CLVS1: variants seen among roughly 807,000 people sequenced by gnomAD.
The protein encoded by CLVS1 is clavesin-1.
Under a neutral mutation model 33.1 loss-of-function variants are expected in CLVS1, and 10 were observed. The ratio of observed to expected loss-of-function variants is 0.30; its 90% CI spans 0.19 to 0.51. CLVS1 has a LOEUF of 0.51. Among genes scored for constraint, CLVS1 ranks in the 20% least tolerant of loss-of-function variants. The pLI is 0.97. For missense variants in CLVS1, 343 were observed against 433.4 expected, an observed-to-expected ratio of 0.79 and a Z score of 1.85; for synonymous variants, 163 against 166.1, an observed-to-expected ratio of 0.98 and a Z score of 0.14.
chr8:61,288,162 C>G, intron 1 of CLVS1, 24 bp downstream of exon 1: 1 of 456,284 alleles, frequency 2.2e-6, no homozygotes, highest in South Asian at 1.5e-5. Context: ...TTTTTCTCCC[C>G]TCTGTATTTG....
chr8:61,363,787 C>T lies in CLVS1; in HGVS notation c.456-12818C>T, dbSNP rs1488995480. On this transcript the variant is annotated intron_variant, in intron 2 of 5. Transcript: ENST00000325897. ...TGGAGCCTGTGTTCTGACCAGGGAA[C>T]AAAAGTAGGTCCAATAGAGCTCTCA... Among the ~76,000 whole-genome samples, 5 of 152,130 alleles carry T rather than the reference C, an allele frequency of 3.3e-5. No individual in the cohort carries two copies. In the South Asian group the frequency reaches 6.2e-4, roughly 19 times the overall value.
chr8:61,131,507 G>A (rs1367975), intron 1 of CLVS1, among the ~76,000 whole-genome samples: 38,377 of 151,970 alleles, frequency 0.25, 5,077 homozygotes, highest in Admixed American at 0.34. Flanking sequence ...GAGGAAGGAC[G>A]GGCCTTTGGC....
intron 5 of CLVS1, among the ~76,000 whole-genome samples, chr8:61,481,347 A>G (rs911687154): frequency 5.3e-5 from 8 of 152,166 alleles, no homozygotes; most frequent in East Asian, 1.9e-4. Context: ...TACTAGGTTC[A>G]TCTCACTGGG....
intron 1 of CLVS1, among the ~76,000 whole-genome samples, chr8:61,108,188 A>C (rs1341138073): frequency 6.7e-6 from 1 of 149,220 alleles, no homozygotes; most frequent in Non-Finnish European, 1.5e-5. Flanking sequence ...ACTGCACTGC[A>C]GCCTGGGTGA....
At chr8:61,270,844 T>G (rs1445031718) in intron 2 of CLVS1, among the ~76,000 whole-genome samples, 2 of 152,186 alleles carry the variant, frequency 1.3e-5, no homozygotes, top group Admixed American at 6.5e-5. Flanking sequence ...TGTATTTCTG[T>G]GGGATCGGTG....
intron 2 of CLVS1, among the ~76,000 whole-genome samples, chr8:61,211,832 G>A (rs910322651): frequency 1.3e-5 from 2 of 152,162 alleles, no homozygotes; most frequent in African/African-American, 4.8e-5. Flanking sequence ...GAAGCAGAAA[G>A]GTCAAAGTCA....
chr8:61,492,713 A>T (rs1487415527), intron 5 of CLVS1, among the ~76,000 whole-genome samples: 1 of 152,146 alleles, frequency 6.6e-6, no homozygotes, highest in Non-Finnish European at 1.5e-5. Context: ...GTTTTCTTAT[A>T]TTTCCAGTTC....
chr8:61,183,686 G>A (rs558041896), intron 2 of CLVS1, among the ~76,000 whole-genome samples: 2 of 151,992 alleles, frequency 1.3e-5, no homozygotes, highest in Non-Finnish European at 2.9e-5. Flanking sequence ...TCAGAAATAA[G>A]GATGTTTTCT....
rs1462908906 is a variant in CLVS1, at chr8:61,357,489, C to CTTTTTT, written c.456-19112_456-19111insTTTTTT. On this transcript the variant is annotated intron_variant, in intron 2 of 5. Coordinates refer to ENST00000325897, the MANE Select transcript of CLVS1 (RefSeq NM_173519.3). Reference sequence around the variant, plus strand: ...TTTTCCTTCTTTTTCTTTCCTTTTTCTTTTCTTTTTTTTTTTTTTTTTTTT... The same window carrying CTTTTTT: ...TTTTCCTTCTTTTTCTTTCCTTTTTCTTTTTTTTTTCTTTTTTTTTTTTTTTTTTTT... Among the ~76,000 whole-genome samples, 25 of 30,254 alleles carry CTTTTTT rather than the reference C, an allele frequency of 8.3e-4. No individual in the cohort carries two copies. The East Asian group carries it at 0.013, about 15-fold the overall frequency. 19.8% of individuals were successfully genotyped at this position (30,254 alleles called of 152,430 possible). A position where few individuals can be genotyped will look rare whatever the true frequency, so the allele number is the denominator to read the frequency against.
intron 3 of CLVS1, among the ~76,000 whole-genome samples, chr8:61,390,165 T>C (rs1395917151): frequency 1.3e-5 from 2 of 152,176 alleles, no homozygotes; most frequent in African/African-American, 4.8e-5. Flanking sequence ...TAAATAAAAA[T>C]GAGAAAGTGC....
chr8:61,477,778 T>A (rs995915315), intron 5 of CLVS1, among the ~76,000 whole-genome samples: 4 of 152,120 alleles, frequency 2.6e-5, no homozygotes, highest in African/African-American at 9.7e-5. Context: ...TTTTGAAGGG[T>A]TTTTTGTGTC....
chr8:61,348,262 A>T (rs1316698098), intron 2 of CLVS1, among the ~76,000 whole-genome samples: 1 of 146,186 alleles, frequency 6.8e-6, no homozygotes, highest in Non-Finnish European at 1.5e-5. Context: ...GTTCTCAATC[A>T]TAGGTGGGAA....
intron 2 of CLVS1, among the ~76,000 whole-genome samples, chr8:61,217,666 C>A (rs1472429071): frequency 1.3e-5 from 2 of 151,994 alleles, no homozygotes; most frequent in Non-Finnish European, 2.9e-5. Flanking sequence ...TTGATTATAC[C>A]AAACTAAAAT....
intron 2 of CLVS1, among the ~76,000 whole-genome samples, chr8:61,282,020 C>A (rs529292628): frequency 6.6e-6 from 1 of 152,284 alleles, no homozygotes; most frequent in South Asian, 2.1e-4. Context: ...ATAATCATGT[C>A]ACCTCCACCA....
the CLVS1 span, chr8:60,967,826 C>G: frequency 7.9e-6 from 3 of 379,356 alleles, no homozygotes; most frequent in Non-Finnish European, 5.2e-6. Flanking sequence ...CCTAATTGCT[C>G]TATCCACGGA....
At chr8:60,994,814 G>C in the CLVS1 span, among the ~76,000 whole-genome samples, 5 of 152,134 alleles carry the variant, frequency 3.3e-5, no homozygotes, top group Non-Finnish European at 7.4e-5. Flanking sequence ...CCAAAACAGA[G>C]ATATAGATCA....
Position 61,235,489 on chromosome 8 carries a change from T to C in CLVS1, c.-151-64188T>C, listed in dbSNP as rs146641302. 5.0e-3 allele frequency among the ~76,000 whole-genome samples: 761 copies of C among 152,346 alleles called. 7 individuals carry two copies. Among genetic ancestry groups the C allele is most frequent in the African/African-American group, 0.018 (740 of 41,584 alleles). On this transcript the variant is annotated intron_variant, in intron 2 of 2. Transcript: ENST00000522621. Reference sequence around the variant, plus strand: ...ACTTGAGAGGTCACATTTTGTAGAATAGTTTTTTGTTTTATTCAAATTTAG... The same window carrying C: ...ACTTGAGAGGTCACATTTTGTAGAACAGTTTTTTGTTTTATTCAAATTTAG...
chr8:61,099,079 G>A (rs941385268), intron 1 of CLVS1, among the ~76,000 whole-genome samples: 1 of 152,096 alleles, frequency 6.6e-6, no homozygotes, highest in South Asian at 2.1e-4. Context: ...AATGAAACTT[G>A]AACTTCATAA....
At chr8:61,203,639 T>C (rs988728393) in intron 2 of CLVS1, among the ~76,000 whole-genome samples, 7 of 152,232 alleles carry the variant, frequency 4.6e-5, no homozygotes, top group African/African-American at 1.7e-4. Flanking sequence ...AGGAAAGTCT[T>C]TGAAGAGGAA....
Sources: allele counts gnomAD v4.1 joint callset (sites outside exome capture counted in the v4.1 genomes callset), GRCh38; gene constraint gnomAD v4.1.1; transcripts MANE v1.5; gene names NCBI Gene and HGNC (gene_info 2026-07-23, HGNC 2026-07-21).